The following PDE4D variants were observed in gnomAD, a reference collection of about 807,000 sequenced individuals.
PDE4D encodes the protein 3',5'-cyclic-AMP phosphodiesterase 4D.
A neutral mutation model predicts 87.4 loss-of-function variants in PDE4D; 24 were observed. The ratio of observed to expected loss-of-function variants is 0.27; its 90% confidence interval spans 0.20 to 0.39. The LOEUF is 0.39. PDE4D is among the 10% of genes least tolerant of loss of function. The pLI is 1.00. For synonymous variants in PDE4D, 384 were observed against 383.2 expected (o/e 1.00, Z -0.02); for missense variants, 714 against 1,041.0 (o/e 0.69, Z 4.32).
intron 1 of PDE4D, among the ~76,000 whole-genome samples, chr5:59,743,031 G>C (rs1262519077): frequency 1.3e-5 from 2 of 152,140 alleles, no homozygotes; most frequent in Non-Finnish European, 2.9e-5. Flanking sequence ...CAGTAGGTGT[G>C]CCAAATGTGG....
At chr5:59,134,443 C>G (rs1776741746) in intron 5 of PDE4D, among the ~76,000 whole-genome samples, 1 of 151,904 alleles carries the variant, frequency 6.6e-6, no homozygotes, top group Non-Finnish European at 1.5e-5. Context: ...ATGTTTGGAA[C>G]CACTTAATGC....
intron 1 of PDE4D, among the ~76,000 whole-genome samples, chr5:59,444,934 G>T (rs1798142620): frequency 6.6e-6 from 1 of 152,156 alleles, no homozygotes; most frequent in Non-Finnish European, 1.5e-5. Flanking sequence ...CTGTAACTCA[G>T]ATACATTTCT....
chr5:59,096,452 A>G (rs1195296934), intron 5 of PDE4D, among the ~76,000 whole-genome samples: 2 of 152,224 alleles, frequency 1.3e-5, no homozygotes, highest in Admixed American at 1.3e-4. Context: ...TTTGAAAAAT[A>G]ACACCCTGAT....
chr5:59,010,533 T>C (rs1187026825), intron 6 of PDE4D, among the ~76,000 whole-genome samples: 2 of 152,100 alleles, frequency 1.3e-5, no homozygotes, highest in Non-Finnish European at 2.9e-5. Context: ...TAAATCAAAC[T>C]CAGTTTAGTT....
At chr5:58,993,011 A>C (rs768398519) in intron 7 of PDE4D, among the ~76,000 whole-genome samples, 137 of 152,254 alleles carry the variant, frequency 9.0e-4, no homozygotes, top group South Asian at 1.7e-3. Flanking sequence ...ATCATTTCTA[A>C]TTTATCATTA....
chr5:60,409,199 G>A (rs901897214), intron 1 of PDE4D, among the ~76,000 whole-genome samples: 5 of 152,204 alleles, frequency 3.3e-5, no homozygotes, highest in African/African-American at 4.8e-5. Flanking sequence ...AAAGATCCAG[G>A]AAAATCGAGG....
chr5:59,660,827 G>A (rs1423532554), intron 1 of PDE4D, among the ~76,000 whole-genome samples: 5 of 152,080 alleles, frequency 3.3e-5, no homozygotes, highest in East Asian at 1.9e-4. Flanking sequence ...CTCAAAGCAA[G>A]TTATCACCAA....
intron 1 of PDE4D, among the ~76,000 whole-genome samples, chr5:59,706,159 C>G (rs1753375858): frequency 1.3e-5 from 2 of 152,100 alleles, no homozygotes; most frequent in Admixed American, 6.6e-5. Flanking sequence ...GGGGATTGGC[C>G]ATGTGGGTTA....
chr5:60,482,555 C>T (rs37761), intron 1 of PDE4D, among the ~76,000 whole-genome samples: 17,030 of 152,140 alleles, frequency 0.11, 1,350 homozygotes, highest in East Asian at 0.37. Flanking sequence ...GGAAGCTGGT[C>T]GTGACAACAA....
Position 59,587,379 on chromosome 5 carries a change from T to C in PDE4D, c.455+305789A>G, listed in dbSNP as rs1825320380. 5 of 905,940 alleles carry C rather than the reference T, an allele frequency of 5.5e-6. No homozygotes were observed. The South Asian group carries it at 2.5e-4, about 46-fold the overall frequency. The allele number at this position is 905,940 out of a possible 1,614,324, so 56.1% of individuals were successfully genotyped here. A position where few individuals can be genotyped will look rare whatever the true frequency, so the allele number is the denominator to read the frequency against. ...CTTTTGTTTTTCACCCCAAATTCAG[T>C]TTTCCAATAGGTGTCATTTATTCTG... On this transcript the variant is annotated intron_variant, in intron 1 of 14. Coordinates refer to ENST00000340635, the MANE Select transcript of PDE4D (RefSeq NM_001104631.2).
intron 1 of PDE4D, among the ~76,000 whole-genome samples, chr5:59,261,461 CTTA>C (rs1399727237): frequency 6.6e-6 from 1 of 151,720 alleles, no homozygotes; most frequent in Non-Finnish European, 1.5e-5. Context: ...GTTTATTTCT[CTTA>C]TTAGTGAAAT....
chr5:59,250,598 T>C (rs527595274), intron 1 of PDE4D, among the ~76,000 whole-genome samples: 94 of 152,088 alleles, frequency 6.2e-4, no homozygotes, highest in Non-Finnish European at 8.2e-4. Flanking sequence ...TTTAAATTAA[T>C]GTTTTCCTAT....
chr5:59,264,871 T>C (rs1762606224), intron 1 of PDE4D, among the ~76,000 whole-genome samples: 1 of 152,024 alleles, frequency 6.6e-6, no homozygotes, highest in South Asian at 2.1e-4. Flanking sequence ...AGAACAGACC[T>C]AACCAGATCT....
At chr5:59,519,612 T>C (rs943269623) in intron 1 of PDE4D, among the ~76,000 whole-genome samples, 1 of 152,124 alleles carries the variant, frequency 6.6e-6, no homozygotes, top group East Asian at 1.9e-4. Flanking sequence ...AAAGGGGCGG[T>C]AGACATAGAT....
At chr5:59,442,304 T>A (rs914500477) in intron 1 of PDE4D, among the ~76,000 whole-genome samples, 5 of 152,134 alleles carry the variant, frequency 3.3e-5, no homozygotes, top group Admixed American at 3.3e-4. Flanking sequence ...CATCAAATAG[T>A]GAACACAGAC....
chr5:59,488,682 T>TC (rs1394110246), intron 1 of PDE4D, among the ~76,000 whole-genome samples: 1 of 151,992 alleles, frequency 6.6e-6, no homozygotes, highest in East Asian at 1.9e-4. Context: ...TCTTCTTTTT[T>TC]TTTTTTTGAG....
intron 1 of PDE4D, among the ~76,000 whole-genome samples, chr5:60,239,725 A>C (rs1746864682): frequency 6.6e-6 from 1 of 151,926 alleles, no homozygotes; most frequent in African/African-American, 2.4e-5. Flanking sequence ...TGAATTTTCT[A>C]ATTGTCTTTT....
At chr5:60,164,157 C>G (rs1201616941) in intron 2 of PDE4D, among the ~76,000 whole-genome samples, 4 of 151,992 alleles carry the variant, frequency 2.6e-5, no homozygotes, top group African/African-American at 9.7e-5. Context: ...AAATTCTTCT[C>G]AAACTCTCAA....
chr5:60,480,454 A>G (rs1288812796), intron 1 of PDE4D, among the ~76,000 whole-genome samples: 1 of 152,190 alleles, frequency 6.6e-6, no homozygotes, highest in Non-Finnish European at 1.5e-5. Context: ...TACTATTGTT[A>G]TCCCATTTTC....
Sources: gnomAD v4.1 joint callset for allele counts (sites outside exome capture counted in the v4.1 genomes callset) on GRCh38, gnomAD v4.1.1 for gene constraint, MANE v1.5 for transcripts, NCBI Gene and HGNC (gene_info 2026-07-23, HGNC 2026-07-21) for gene names.